Variants in NFIA observed in about 807,000 individuals in gnomAD.
NFIA encodes nuclear factor 1 A-type.
NFIA carries 8 observed loss-of-function variants against 62.8 expected under a neutral mutation model. The observed-to-expected ratio is 0.13, with a 90% confidence interval of 0.07 to 0.23. NFIA has a LOEUF of 0.23. NFIA is among the 10% of genes least tolerant of loss of function. The pLI is 1.00. For missense variants in NFIA, 410 were observed against 642.1 expected (o/e 0.64, Z 3.91); for synonymous variants, 235 against 238.1 (o/e 0.99, Z 0.12).
In NFIA at chr1:61,456,682, A is replaced by G. The variant is rs1378514143; in HGVS notation, c.*1362A>G. 6.8e-6 allele frequency: 1 copy of G among 147,334 alleles called. No homozygotes were observed. The highest frequency in any genetic ancestry group is 2.5e-5 in the African/African-American group (1 of 39,464). The allele number at this position is 147,334 out of a possible 1,614,324, so 9.1% of individuals were successfully genotyped here. Reference sequence around the variant, plus strand: ...GGAAATAATAATAGTAATAATAATAATAATAATAATGATGAAACCAATACT... The same window carrying G: ...GGAAATAATAATAGTAATAATAATAGTAATAATAATGATGAAACCAATACT... On this transcript the variant is annotated 3_prime_UTR_variant, in exon 11 of 11. Transcript: ENST00000403491.
At chr1:61,380,249 T>C (rs1664350935) in intron 6 of NFIA, among the ~76,000 whole-genome samples, 1 of 152,200 alleles carries the variant, frequency 6.6e-6, no homozygotes, top group Admixed American at 6.5e-5. Flanking sequence ...TACAAAAGTC[T>C]TTATTTTTCT....
Position 61,416,714 on chromosome 1 carries a change from A to G in NFIA, c.1421-9751A>G, listed in dbSNP as rs7553777. Among the ~76,000 whole-genome samples the G allele has an allele frequency of 4.4e-3, 664 of 152,284 alleles. 2 individuals carry two copies. The highest frequency in any genetic ancestry group is 0.015 in the African/African-American group (640 of 41,574). ...CATTTTGATAGGTATTTTCATATGC[A>G]TTACCTTAGTTGCATTTGTTATTAT... is the stretch of plus-strand genomic sequence containing the variant. On this transcript the variant is annotated intron_variant, in intron 9 of 10. Transcript: ENST00000403491.
chr1:61,410,349 A>T (rs770590426), intron 9 of NFIA, among the ~76,000 whole-genome samples: 7 of 152,178 alleles, frequency 4.6e-5, no homozygotes, highest in African/African-American at 7.2e-5. Flanking sequence ...ATGTAGGGCA[A>T]AACTATAGTT....
chr1:61,218,852 A>G (rs1030352539), intron 2 of NFIA, among the ~76,000 whole-genome samples: 1 of 152,224 alleles, frequency 6.6e-6, no homozygotes, highest in South Asian at 2.1e-4. Flanking sequence ...CTCAAACATG[A>G]CTGTGTACTT....
At chr1:61,124,377 G>A (rs1245780503) in intron 2 of NFIA, among the ~76,000 whole-genome samples, 5 of 152,198 alleles carry the variant, frequency 3.3e-5, no homozygotes, top group East Asian at 1.9e-4. Flanking sequence ...GTGGTTGAAC[G>A]ATGTAGAGAG....
intron 2 of NFIA, among the ~76,000 whole-genome samples, chr1:61,264,040 G>A (rs547057174): frequency 1.3e-5 from 2 of 152,190 alleles, no homozygotes; most frequent in East Asian, 3.9e-4. Flanking sequence ...TGAATGAATG[G>A]AATTCTTGGT....
At chr1:61,411,118 A>G (rs937239971) in intron 9 of NFIA, among the ~76,000 whole-genome samples, 5 of 152,134 alleles carry the variant, frequency 3.3e-5, no homozygotes, top group Admixed American at 2.6e-4. Context: ...ATCATTTTTA[A>G]TATCTTCTTA....
intron 2 of NFIA, among the ~76,000 whole-genome samples, chr1:61,126,463 C>T (rs1646970428): frequency 4.6e-5 from 1 of 21,898 alleles, no homozygotes; most frequent in South Asian, 8.8e-4. Context: ...CACACACACA[C>T]ACACACACAC....
intron 10 of NFIA, among the ~76,000 whole-genome samples, chr1:61,442,996 T>G (rs1026836540): frequency 3.3e-5 from 5 of 152,222 alleles, no homozygotes; most frequent in Non-Finnish European, 5.9e-5. Flanking sequence ...CAGAGGGTTT[T>G]ATTTAGAAGC....
chr1:61,214,266 TG>T (rs1163841076), intron 2 of NFIA, among the ~76,000 whole-genome samples: 1 of 152,048 alleles, frequency 6.6e-6, no homozygotes, highest in Non-Finnish European at 1.5e-5. Flanking sequence ...TGTTCCTTGC[TG>T]GAAGTTGCTT....
chr1:61,325,015 A>G (rs900358550), intron 3 of NFIA, among the ~76,000 whole-genome samples: 8 of 152,242 alleles, frequency 5.3e-5, no homozygotes, highest in African/African-American at 1.4e-4. Flanking sequence ...CCTCATTTCA[A>G]TCTCCTGTAC....
At chr1:61,237,418 A>G (rs1430448741) in intron 2 of NFIA, among the ~76,000 whole-genome samples, 2 of 152,234 alleles carry the variant, frequency 1.3e-5, no homozygotes, top group South Asian at 2.1e-4. Context: ...CATTAGCAAC[A>G]GAAGAATTAG....
intron 3 of NFIA, among the ~76,000 whole-genome samples, chr1:61,305,959 T>G (rs1185392376): frequency 6.6e-6 from 1 of 151,238 alleles, no homozygotes; most frequent in Non-Finnish European, 1.5e-5. Context: ...ACCATTCTCC[T>G]GCATCAGCCT....
intron 2 of NFIA, among the ~76,000 whole-genome samples, chr1:61,161,589 ACAC>A (rs1452590965): frequency 7.7e-3 from 14 of 1,810 alleles, no homozygotes; most frequent in African/African-American, 0.015. Flanking sequence ...CATGTGCAAC[ACAC>A]ACACACACAC....
chr1:61,260,667 G>A (rs1295431778), intron 2 of NFIA, among the ~76,000 whole-genome samples: 1 of 152,226 alleles, frequency 6.6e-6, no homozygotes. Context: ...TGCAAGCTCC[G>A]CCTCCCGGGT....
chr1:61,283,661 A>G (rs1421939647), intron 3 of NFIA, among the ~76,000 whole-genome samples: 1 of 151,260 alleles, frequency 6.6e-6, no homozygotes, highest in Non-Finnish European at 1.5e-5. Context: ...AGAAACCTAT[A>G]AATTTCTTTT....
intron 2 of NFIA, among the ~76,000 whole-genome samples, chr1:61,244,961 A>T (rs555592881): frequency 1.4e-4 from 21 of 152,292 alleles, no homozygotes; most frequent in Admixed American, 3.3e-4. Flanking sequence ...TTGAGATTTA[A>T]ACATTTTTTT....
intron 6 of NFIA, among the ~76,000 whole-genome samples, chr1:61,382,940 A>G (rs1664491072): frequency 6.6e-6 from 1 of 152,188 alleles, no homozygotes; most frequent in Admixed American, 6.5e-5. Flanking sequence ...ACAAGCAGCA[A>G]CTTTTAGGAA....
chr1:61,144,610 C>G (rs1647793651), intron 2 of NFIA, among the ~76,000 whole-genome samples: 1 of 152,158 alleles, frequency 6.6e-6, no homozygotes, highest in South Asian at 2.1e-4. Flanking sequence ...GTTAGGAAAA[C>G]TCTCTAAGCC....
Sources: gnomAD v4.1 joint callset for allele counts (sites outside exome capture counted in the v4.1 genomes callset) on GRCh38, gnomAD v4.1.1 for gene constraint, MANE v1.5 for transcripts, NCBI Gene and HGNC (gene_info 2026-07-23, HGNC 2026-07-21) for gene names.